Variants in CDYL observed in about 807,000 individuals in gnomAD.
CDYL encodes chromodomain Y like, also known as chromodomain Y-like protein.
In CDYL, 8 loss-of-function variants were observed where a neutral mutation model predicts 47.3. That is an observed-to-expected ratio of 0.17 (90% CI 0.10 to 0.31). The LOEUF (loss-of-function observed/expected upper bound fraction) is 0.31. CDYL is among the 10% of genes least tolerant of loss of function. The pLI is 1.00. For missense variants in CDYL, 471 were observed against 701.4 expected (o/e 0.67, Z 3.71); for synonymous variants, 266 against 265.0 (o/e 1.00, Z -0.04).
At chr6:4,860,595 A>G (rs1761139039) in intron 1 of CDYL, among the ~76,000 whole-genome samples, 2 of 144,846 alleles carry the variant, frequency 1.4e-5, no homozygotes, top group South Asian at 4.2e-4. Flanking sequence ...TAATATACAT[A>G]TATATCATAT....
At chr6:4,713,213 TCAGAG>T (rs1757184043) in intron 1 of CDYL, among the ~76,000 whole-genome samples, 1 of 152,096 alleles carries the variant, frequency 6.6e-6, no homozygotes, top group Non-Finnish European at 1.5e-5. Flanking sequence ...GCCAGTTGGG[TCAGAG>T]CAGAGCTGGA....
In CDYL at chr6:4,954,314, G is replaced by T; in HGVS notation, c.*258G>T. 3.1e-6 allele frequency: 1 copy of T among 318,642 alleles called. No individual in the cohort carries two copies. The highest frequency in any genetic ancestry group is 5.7e-6 in the Non-Finnish European group (1 of 174,004). The allele number at this position is 318,642 out of a possible 1,614,324, so 19.7% of individuals were successfully genotyped here. On this transcript the variant is annotated 3_prime_UTR_variant, in exon 7 of 7. Transcript: ENST00000397588. ...ATACACGCAGGTGTAAAAGTATAAAGGTGAGCACTAGACTGCTCTTAGAAG... is the reference window on the plus strand; with the variant it reads ...ATACACGCAGGTGTAAAAGTATAAATGTGAGCACTAGACTGCTCTTAGAAG...
At chr6:4,766,869 C>T (rs1020168931) in intron 3 of CDYL, among the ~76,000 whole-genome samples, 4 of 151,800 alleles carry the variant, frequency 2.6e-5, no homozygotes, top group African/African-American at 9.7e-5. Context: ...GGCATGGTGG[C>T]GTTCACCGGT....
intron 1 of CDYL, among the ~76,000 whole-genome samples, chr6:4,884,465 CAG>C (rs1370997150): frequency 6.6e-6 from 1 of 152,124 alleles, no homozygotes; most frequent in Non-Finnish European, 1.5e-5. Context: ...AGTGGATACT[CAG>C]AGGGAAATTT....
chr6:4,813,912 G>C (rs549716243), intron 1 of CDYL, among the ~76,000 whole-genome samples: 1 of 150,038 alleles, frequency 6.7e-6, no homozygotes, highest in Non-Finnish European at 1.5e-5. Context: ...TGGAACTACA[G>C]AAGTGTGCCA....
chr6:4,713,325 G>A (rs1757186302), intron 1 of CDYL, among the ~76,000 whole-genome samples: 1 of 152,022 alleles, frequency 6.6e-6, no homozygotes, highest in Non-Finnish European at 1.5e-5. Flanking sequence ...AGTGGCGGGA[G>A]GAGGATCCTG....
chr6:4,744,964 C>G (rs145420336), intron 3 of CDYL, among the ~76,000 whole-genome samples: 1 of 151,986 alleles, frequency 6.6e-6, no homozygotes, highest in Admixed American at 6.6e-5. Context: ...ACATACATTT[C>G]TTTTCTTTTT....
At chr6:4,735,911 G>T (rs1227944138) in intron 3 of CDYL, among the ~76,000 whole-genome samples, 2 of 152,148 alleles carry the variant, frequency 1.3e-5, no homozygotes, top group African/African-American at 4.8e-5. Flanking sequence ...GTGATGGGGG[G>T]GGGTGGGATG....
chr6:4,789,777 C>T (rs1446298430), intron 1 of CDYL, among the ~76,000 whole-genome samples: 1 of 152,228 alleles, frequency 6.6e-6, no homozygotes. Flanking sequence ...TTACTCTTCT[C>T]ACCTGCCCCT....
At chr6:4,734,913 G>A (rs1757675160) in intron 3 of CDYL, 2 of 1,592,154 alleles carry the variant, frequency 1.3e-6, no homozygotes, top group Non-Finnish European at 1.7e-6. Context: ...TAGGGGAATC[G>A]CCCCACACCA....
chr6:4,826,944 C>T (rs1319484386), intron 1 of CDYL, among the ~76,000 whole-genome samples: 3 of 152,082 alleles, frequency 2.0e-5, no homozygotes, highest in Non-Finnish European at 4.4e-5. Context: ...CTATCTTTTT[C>T]CCTTCAGCTT....
intron 1 of CDYL, among the ~76,000 whole-genome samples, chr6:4,842,572 T>C (rs1760533108): frequency 6.6e-6 from 1 of 152,088 alleles, no homozygotes. Flanking sequence ...TTTTTTCTGA[T>C]ATAAGAATAG....
At chr6:4,943,787 A>AAAAAAAAAT in intron 5 of CDYL, 31 bp downstream of exon 5, 1 of 1,410,860 alleles carries the variant, frequency 7.1e-7, no homozygotes, top group Non-Finnish European at 9.7e-7. Context: ...AAAAAAAAAA[A>AAAAAAAAAT]GTCATTCTAG....
At chr6:4,872,115 T>C (rs1011388629) in intron 1 of CDYL, among the ~76,000 whole-genome samples, 2 of 152,220 alleles carry the variant, frequency 1.3e-5, no homozygotes, top group African/African-American at 4.8e-5. Context: ...TTGCTGCATT[T>C]CACTCTGGAG....
At chr6:4,765,479 G>T (rs896123882) in intron 3 of CDYL, among the ~76,000 whole-genome samples, 1 of 151,822 alleles carries the variant, frequency 6.6e-6, no homozygotes, top group African/African-American at 2.4e-5. Context: ...ATTAAGACTT[G>T]TGGGATGCAG....
intron 3 of CDYL, among the ~76,000 whole-genome samples, chr6:4,747,285 C>T (rs1039495615): frequency 3.7e-5 from 5 of 135,322 alleles, no homozygotes; most frequent in South Asian, 2.4e-4. Flanking sequence ...CCAGCCTGGG[C>T]GACACAGCAT....
chr6:4,825,324 T>A (rs1364759004), intron 1 of CDYL, among the ~76,000 whole-genome samples: 2 of 152,226 alleles, frequency 1.3e-5, no homozygotes, highest in Admixed American at 1.3e-4. Context: ...TTTCAGGATT[T>A]TCTATATATA....
chr6:4,802,176 G>A (rs1759244818), intron 1 of CDYL, among the ~76,000 whole-genome samples: 2 of 152,010 alleles, frequency 1.3e-5, no homozygotes, highest in African/African-American at 4.8e-5. Context: ...AACCCTTCTA[G>A]TTACAGTTTT....
intron 1 of CDYL, among the ~76,000 whole-genome samples, chr6:4,814,591 C>T (rs1211704120): frequency 6.6e-6 from 1 of 151,986 alleles, no homozygotes; most frequent in Non-Finnish European, 1.5e-5. Context: ...TGGTGCAGTC[C>T]TGGCTCATAC....
Sources: allele counts gnomAD v4.1 joint callset (sites outside exome capture counted in the v4.1 genomes callset), GRCh38; gene constraint gnomAD v4.1.1; transcripts MANE v1.5; gene names NCBI Gene and HGNC (gene_info 2026-07-23, HGNC 2026-07-21).